The following GP6 variants were observed in gnomAD, a reference collection of about 807,000 sequenced individuals.
GP6 encodes the protein glycoprotein VI platelet, also known as platelet glycoprotein VI.
GP6 carries 45 observed loss-of-function variants against 37.3 expected under a neutral mutation model. That is an observed-to-expected ratio of 1.21 (90% CI 0.95 to 1.55). GP6 has a LOEUF of 1.55. GP6 is among the 40% of genes most tolerant of loss of function. The pLI is 0.00. For missense variants in GP6, 813 were observed against 760.2 expected, an observed-to-expected ratio of 1.07 and a Z score of -0.82; for synonymous variants, 340 against 316.4, an observed-to-expected ratio of 1.07 and a Z score of -0.79.
intron 1 of GP6, among the ~76,000 whole-genome samples, chr19:55,036,351 T>C (rs1000040332): frequency 6.6e-6 from 1 of 152,012 alleles, no homozygotes; most frequent in South Asian, 2.1e-4. Context: ...TTCACCAGAA[T>C]ATAATTCATC....
intron 5 of GP6, among the ~76,000 whole-genome samples, chr19:55,022,545 A>C (rs1395523881): frequency 6.6e-6 from 1 of 152,222 alleles, no homozygotes; most frequent in Non-Finnish European, 1.5e-5. Context: ...AGGATACTCA[A>C]ATAGGAAGAG....
At chr19:55,015,335 C>A (rs1251923064) in intron 7 of GP6, among the ~76,000 whole-genome samples, 170 bp from the exon 8 acceptor site, 1 of 152,142 alleles carries the variant, frequency 6.6e-6, no homozygotes, top group Non-Finnish European at 1.5e-5. Context: ...GCCAGATGAC[C>A]CCAATTCTCT....
chr19:55,024,286 A>ATGCACGCACACACACACGCACG (rs1346690939), intron 5 of GP6, among the ~76,000 whole-genome samples: 16 of 137,292 alleles, frequency 1.2e-4, no homozygotes, highest in South Asian at 4.6e-4. Context: ...GCACACACAC[A>ATGCACGCACACACACACGCACG]CATATGCACG....
At position 55,032,905 on chromosome 19, in the gene GP6, GAC is replaced by G. The variant is rs2074629903; in HGVS notation, c.35-369_35-368del. ...AGACACGGTGGACTCGTTCGTGTTA[GAC>G]ACGGTGGGCTCGTTCGTGTTAGACA... is the stretch of plus-strand genomic sequence containing the variant. On this transcript the variant is annotated intron_variant, in intron 1 of 7. Transcript: ENST00000310373. 1.5e-5 allele frequency: 6 copies of G among 402,942 alleles called. 1 individual carries two copies. Among genetic ancestry groups the G allele is most frequent in the South Asian group, 5.2e-5 (2 of 38,326 alleles). 25.0% of individuals were successfully genotyped at this position (402,942 alleles called of 1,614,324 possible).
At chr19:55,030,580 T>G (rs145383121) in intron 3 of GP6, among the ~76,000 whole-genome samples, 20,818 of 151,668 alleles carry the variant, frequency 0.14, 1,612 homozygotes, top group Middle Eastern at 0.29. Flanking sequence ...TGACCTTAAG[T>G]GATCCACCCA....
intron 1 of GP6, among the ~76,000 whole-genome samples, chr19:55,034,639 AG>A (rs942837557): frequency 2.0e-5 from 3 of 151,612 alleles, no homozygotes; most frequent in African/African-American, 7.3e-5. Flanking sequence ...GAAGAGGAGG[AG>A]GAAAAAAAAA....
intron 5 of GP6, among the ~76,000 whole-genome samples, chr19:55,024,590 G>A (rs2074234917): frequency 6.6e-6 from 1 of 152,156 alleles, no homozygotes. Context: ...CTGGTACACC[G>A]TATTCAGCTG....
At position 55,032,389 on chromosome 19, in the gene GP6, G is replaced by T; in HGVS notation, c.75C>A (p.Leu25=). 1 of 1,613,000 alleles carries T rather than the reference G, an allele frequency of 6.2e-7. No individual in the cohort carries two copies. Among genetic ancestry groups the T allele is most frequent in the Non-Finnish European group, 8.5e-7 (1 of 1,179,454 alleles). The stretch of plus-strand genomic sequence containing the variant: ...GCAGAGCCTGGAGGGAGGGCTTGGG[G>T]AGCGGTCCTGGAAGAGGAGCAGGGC... Residue 25 remains leucine, a synonymous_variant, in exon 3 of 8, where the codon CTC becomes CTA. Coordinates refer to ENST00000310373, the MANE Select transcript of GP6 (RefSeq NM_001083899.2).
rs550906672 is a variant in GP6, at chr19:55,021,559, C to T, written c.665-2848G>A. On this transcript the variant is annotated intron_variant, in intron 5 of 7. Transcript: ENST00000310373. ...TTTTTGAGATGGAGTCTTGCTCTGT[C>T]GCCCAGGCTGGAGTGCAGTGGCACA... Among the ~76,000 whole-genome samples, 1,122 of 120,396 alleles carry T rather than the reference C, an allele frequency of 9.3e-3. 18 individuals carry two copies. Among genetic ancestry groups the T allele is most frequent in the African/African-American group, 0.03 (967 of 32,082 alleles). 79.0% of individuals were successfully genotyped at this position (120,396 alleles called of 152,430 possible).
rs1255186549 is a variant in GP6, at chr19:55,032,504, A to C, written c.67+2T>G. On this transcript the variant is annotated splice_donor_variant, in intron 2 of 7. Transcript: ENST00000310373. LOFTEE classifies it high-confidence loss of function. ...AGGGAAGGGGTCTGGGGAAGGACTC[A>C]CCACTCTGCGCTGGCACACGCCCCA... The C allele has an allele frequency of 1.1e-5, 17 of 1,613,728 alleles. No individual in the cohort carries two copies. Among genetic ancestry groups the C allele is most frequent in the Non-Finnish European group, 1.4e-5 (16 of 1,179,984 alleles).
At chr19:55,024,280 A>ATACACATGCACGCATG (rs2074191633) in intron 5 of GP6, among the ~76,000 whole-genome samples, 3 of 30,318 alleles carry the variant, frequency 9.9e-5, no homozygotes, top group African/African-American at 1.4e-4. Flanking sequence ...ACGCATGCAC[A>ATACACATGCACGCATG]CACACACATA....
In GP6 at chr19:55,027,599, G is replaced by C; in HGVS notation, c.589C>G (p.Pro197Ala). 6.2e-7 allele frequency: 1 copy of C among 1,613,460 alleles called. No homozygotes were observed. Among genetic ancestry groups the C allele is most frequent in the Non-Finnish European group, 8.5e-7 (1 of 1,179,478 alleles). ...CTACCTGTGACCACAAGCTCCAGGGGGTCGCTGGGGGCTGACCACAGGTAT... is the reference window on the plus strand; with the variant it reads ...CTACCTGTGACCACAAGCTCCAGGGCGTCGCTGGGGGCTGACCACAGGTAT... The change falls in exon 4 of 8, where the codon CCC (proline) becomes GCC (alanine). Residue 197 changes from proline to alanine, a missense_variant. Coordinates refer to ENST00000310373, the MANE Select transcript of GP6 (RefSeq NM_001083899.2).
chr19:55,018,411 G>A (rs1427193021), intron 6 of GP6, among the ~76,000 whole-genome samples: 2 of 152,118 alleles, frequency 1.3e-5, no homozygotes, highest in Non-Finnish European at 2.9e-5. Context: ...TAGGGATGGC[G>A]GTCGTCCCGC....
At chr19:55,024,291 T>TGCACGCACGCACACAC (rs879694712) in intron 5 of GP6, among the ~76,000 whole-genome samples, 11 of 113,348 alleles carry the variant, frequency 9.7e-5, no homozygotes, top group Non-Finnish European at 1.6e-4. Context: ...CACACACATA[T>TGCACGCACGCACACAC]GCACGCATGC....
At chr19:55,035,039 G>A (rs2074777164) in intron 1 of GP6, among the ~76,000 whole-genome samples, 1 of 152,136 alleles carries the variant, frequency 6.6e-6, no homozygotes, top group Admixed American at 6.6e-5. Flanking sequence ...ACCATGGCTG[G>A]GAGTCTTCCA....
At chr19:55,035,094 T>A (rs1602642957) in intron 1 of GP6, among the ~76,000 whole-genome samples, 1 of 152,352 alleles carries the variant, frequency 6.6e-6, no homozygotes, top group South Asian at 2.1e-4. Context: ...CAAGTCGCCA[T>A]AATCGTACGG....
intron 5 of GP6, among the ~76,000 whole-genome samples, chr19:55,020,260 C>A (rs2074030697): frequency 6.6e-6 from 1 of 150,698 alleles, no homozygotes. Context: ...GCAGGACGTG[C>A]AGGTTTGTTA....
intron 4 of GP6, among the ~76,000 whole-genome samples, chr19:55,026,016 AAAAAAAGC>A: frequency 6.6e-6 from 1 of 151,338 alleles, no homozygotes; most frequent in African/African-American, 2.4e-5. Flanking sequence ...AAAAAAAAAA[AAAAAAAGC>A]AGCAGCATTT....
At chr19:55,021,526 T>G (rs1326236224) in intron 5 of GP6, among the ~76,000 whole-genome samples, 3 of 144,582 alleles carry the variant, frequency 2.1e-5, no homozygotes, top group African/African-American at 7.6e-5. Flanking sequence ...GTTGGTTTTT[T>G]TTTTTTTTTT....
Sources: allele counts gnomAD v4.1 joint callset (sites outside exome capture counted in the v4.1 genomes callset), GRCh38; gene constraint gnomAD v4.1.1; transcripts MANE v1.5; gene names NCBI Gene and HGNC (gene_info 2026-07-23, HGNC 2026-07-21).